PDE5A: variants seen among roughly 807,000 people sequenced by gnomAD.
PDE5A encodes phosphodiesterase 5A.
A neutral mutation model predicts 110.2 loss-of-function variants in PDE5A; 67 were observed. The ratio of observed to expected loss-of-function variants is 0.61; its 90% CI spans 0.50 to 0.75. PDE5A has a LOEUF of 0.75. Among genes scored for constraint, PDE5A ranks in the 30% least tolerant of loss-of-function variants. PDE5A has a pLI of 0.00. For missense variants in PDE5A, 862 were observed against 1,045.1 expected (o/e 0.82, Z 2.42); for synonymous variants, 328 against 351.2 (o/e 0.93, Z 0.74).
At chr4:119,538,776 C>G (rs968397695) in intron 11 of PDE5A, 184 bp downstream of exon 11, 1 of 579,534 alleles carries the variant, frequency 1.7e-6, no homozygotes, top group Non-Finnish European at 3.1e-6. Context: ...GAATCATACA[C>G]TATATTACAC....
rs118124111 is a variant in PDE5A, at chr4:119,516,281, G to C, written c.2000+2764C>G. On this transcript the variant is annotated intron_variant, in intron 14 of 20. Coordinates refer to ENST00000354960, the MANE Select transcript of PDE5A (RefSeq NM_001083.4). ...TGTAGTGATCACTATTACTTCATGA[G>C]ACTATGACAATTCTTAATGGCAAGA... Among the ~76,000 whole-genome samples, 671 of 152,256 alleles carry C rather than the reference G, an allele frequency of 4.4e-3. 15 individuals are homozygous for C. Among genetic ancestry groups the C allele is most frequent in the East Asian group, 0.032 (164 of 5,174 alleles).
intron 20 of PDE5A, 41 bp from the exon 21 acceptor site, chr4:119,498,779 GGAAATAA>G (rs1725184844): frequency 6.2e-7 from 1 of 1,610,624 alleles, no homozygotes; most frequent in Non-Finnish European, 8.5e-7. Flanking sequence ...AGAGAAGCCA[GGAAATAA>G]GTCCTCTCCC....
At chr4:119,580,070 T>C (rs759632786) in intron 3 of PDE5A, among the ~76,000 whole-genome samples, 36 of 152,126 alleles carry the variant, frequency 2.4e-4, no homozygotes, top group Non-Finnish European at 4.9e-4. Flanking sequence ...TGGGGGTCAG[T>C]AGCTGTCCTG....
At chr4:119,572,072 T>C (rs1403296874) in intron 3 of PDE5A, among the ~76,000 whole-genome samples, 3 of 152,208 alleles carry the variant, frequency 2.0e-5, no homozygotes, top group Admixed American at 6.5e-5. Flanking sequence ...CCTTGAAATA[T>C]CACCTCTCTA....
intron 18 of PDE5A, 128 bp downstream of exon 18, chr4:119,504,408 G>A (rs1017033170): frequency 1.5e-6 from 1 of 659,498 alleles, no homozygotes; most frequent in Admixed American, 2.9e-5. Flanking sequence ...ATGGTGCTGT[G>A]ATGAACATAT....
At chr4:119,604,284 A>C (rs1216539261) in intron 2 of PDE5A, among the ~76,000 whole-genome samples, 1 of 152,236 alleles carries the variant, frequency 6.6e-6, no homozygotes, top group African/African-American at 2.4e-5. Flanking sequence ...AAAACTTTGA[A>C]GATGGTAGGC....
intron 19 of PDE5A, among the ~76,000 whole-genome samples, chr4:119,502,086 G>A (rs910032511): frequency 2.6e-5 from 4 of 152,050 alleles, no homozygotes; most frequent in South Asian, 2.1e-4. Context: ...TTTCCTCCAT[G>A]TTTCTTTTGG....
chr4:119,553,783 T>C, intron 7 of PDE5A, 37 bp from the exon 8 acceptor site: 1 of 1,080,142 alleles, frequency 9.3e-7, no homozygotes, highest in Non-Finnish European at 1.4e-6. Flanking sequence ...CTCTGTGCAG[T>C]TAAAAAAAAG....
At chr4:119,507,942 T>C (rs937933127) in intron 15 of PDE5A, among the ~76,000 whole-genome samples, 7 of 151,924 alleles carry the variant, frequency 4.6e-5, no homozygotes, top group Admixed American at 3.9e-4. Context: ...TTCCAACTCT[T>C]ATACTCCTTA....
At position 119,498,285 on chromosome 4, in the gene PDE5A, C is replaced by CA. The variant is rs1349557427; in HGVS notation, c.*315dup. 4.8e-6 allele frequency: 1 copy of CA among 207,202 alleles called. No homozygotes were observed. The highest frequency in any genetic ancestry group is 9.6e-6 in the Non-Finnish European group (1 of 104,438). The allele number at this position is 207,202 out of a possible 1,614,324, so 12.8% of individuals were successfully genotyped here. The stretch of plus-strand genomic sequence containing the variant: ...CCAATTATTTAAAATAATCCCCAAG[C>CA]AAAAAAACCTCAGTGCAAGAATACT... On this transcript the variant is annotated 3_prime_UTR_variant, in exon 21 of 21. Coordinates refer to ENST00000354960, the MANE Select transcript of PDE5A (RefSeq NM_001083.4).
chr4:119,600,317 A>G (rs929469038), intron 2 of PDE5A, among the ~76,000 whole-genome samples: 1 of 152,156 alleles, frequency 6.6e-6, no homozygotes, highest in Non-Finnish European at 1.5e-5. Context: ...GTATGAATTC[A>G]GTTGTTTTTA....
At chr4:119,619,210 A>G (rs1730054271) in intron 1 of PDE5A, among the ~76,000 whole-genome samples, 1 of 152,212 alleles carries the variant, frequency 6.6e-6, no homozygotes, top group East Asian at 1.9e-4. Flanking sequence ...TCCTTATTTT[A>G]TACAGTTTCA....
chr4:119,507,785 C>T, intron 15 of PDE5A, 81 bp from the exon 16 acceptor site: 1 of 822,486 alleles, frequency 1.2e-6, no homozygotes, highest in Non-Finnish European at 2.0e-6. Flanking sequence ...ATTCACATAT[C>T]TTAAACACAT....
intron 2 of PDE5A, among the ~76,000 whole-genome samples, chr4:119,597,668 T>C (rs1729198971): frequency 1.3e-5 from 2 of 152,060 alleles, no homozygotes; most frequent in Admixed American, 6.6e-5. Flanking sequence ...TCAGAGAATA[T>C]GGAATATCCA....
chr4:119,500,207 T>TAAAC (rs766633376), intron 20 of PDE5A: 2 of 151,140 alleles, frequency 1.3e-5, no homozygotes, highest in South Asian at 2.1e-4. Context: ...AACAAAGGAG[T>TAAAC]AAACAAGTAG....
At chr4:119,616,977 T>A (rs897318718) in intron 1 of PDE5A, among the ~76,000 whole-genome samples, 1 of 152,192 alleles carries the variant, frequency 6.6e-6, no homozygotes, top group Admixed American at 6.5e-5. Flanking sequence ...GCCAAGTTAG[T>A]ATTGTAATAC....
chr4:119,618,858 G>T (rs188085128), intron 1 of PDE5A, among the ~76,000 whole-genome samples: 8 of 152,178 alleles, frequency 5.3e-5, no homozygotes, highest in Admixed American at 3.9e-4. Flanking sequence ...TCTTATCCAT[G>T]GGTACTTACT....
rs1181658903 is a variant in PDE5A at position 119,520,980 on chromosome 4, A to G, written c.1860T>C (p.Asn620=). ...VAYHNWRHAF[N]TAQCMFAALK... The stretch of plus-strand genomic sequence containing the variant: ...GAGCAGCAAACATGCACTGAGCTGT[A>G]TTAAAGGCATGTCTCCAATTATGAT... The change falls in exon 13 of 21, where the codon AAT becomes AAC. Residue 620 remains asparagine (N), a synonymous_variant. Transcript: ENST00000354960. The G allele has an allele frequency of 1.2e-6, 2 of 1,613,016 alleles. No homozygotes were observed. The highest frequency in any genetic ancestry group is 1.7e-6 in the Non-Finnish European group (2 of 1,179,232).
chr4:119,607,099 A>G lies in PDE5A; in HGVS notation c.351T>C (p.Asp117=), dbSNP rs1402553282. The change falls in exon 2 of 21, where the codon GAT becomes GAC. Residue 117 remains aspartate, a synonymous_variant. Coordinates refer to ENST00000354960, the MANE Select transcript of PDE5A (RefSeq NM_001083.4). ...DRPLRPIVVK[D]SEGTVSFLSD... is the part of the protein sequence containing the mutation. ...AGAGGAAGCTCACAGTTCCCTCAGA[A>G]TCCTTGACAACAATGGGTCTAAGAG... 1.9e-6 allele frequency: 3 copies of G among 1,614,008 alleles called. No individual in the cohort carries two copies. The highest frequency in any genetic ancestry group is 2.5e-6 in the Non-Finnish European group (3 of 1,180,036).
Sources: allele counts gnomAD v4.1 joint callset (sites outside exome capture counted in the v4.1 genomes callset), GRCh38; gene constraint gnomAD v4.1.1; transcripts MANE v1.5; gene names NCBI Gene and HGNC (gene_info 2026-07-23, HGNC 2026-07-21).